The following CEP131 variants were observed in gnomAD, a reference collection of about 807,000 sequenced individuals.
CEP131 encodes centrosomal protein 131.
CEP131 carries 99 observed loss-of-function variants against 136.8 expected under a neutral mutation model. The ratio of observed to expected loss-of-function variants is 0.72; its 90% CI spans 0.62 to 0.86. The LOEUF (loss-of-function observed/expected upper bound fraction) is 0.86. Ranked by LOEUF, CEP131 falls within the 40% of genes least tolerant of loss-of-function variation. The pLI, the probability that CEP131 is intolerant of heterozygous loss-of-function variation, is 0.00. For synonymous variants in CEP131, 646 were observed against 612.7 expected, an observed-to-expected ratio of 1.05 and a Z score of -0.80; for missense variants, 1,459 against 1,463.0, an observed-to-expected ratio of 1.00 and a Z score of 0.04.
intron 2 of CEP131, 39 bp from the exon 3 acceptor site, chr17:81,209,061 G>T: frequency 1.4e-6 from 2 of 1,452,470 alleles, no homozygotes; most frequent in South Asian, 1.2e-5. Context: ...TGCAGCAAAG[G>T]CTCACTCACC....
intron 18 of CEP131, 75 bp from the exon 19 acceptor site, chr17:81,192,918 G>A: frequency 6.6e-7 from 1 of 1,525,180 alleles, no homozygotes; most frequent in Non-Finnish European, 8.8e-7. Context: ...AGGGGCACGG[G>A]CCGACCACAG....
At chr17:81,204,183 C>G (rs112617852) in intron 5 of CEP131, 2,188 of 152,952 alleles carry the variant, frequency 0.014, 51 homozygotes, top group African/African-American at 0.046. Flanking sequence ...CGTGCCCCCA[C>G]GGAGACACAC....
chr17:81,197,640 C>A lies in CEP131; in HGVS notation c.1647+72G>T, dbSNP rs2061792344. ...GCGGGCTGGTGAGGGGCCTCCTCCC[C>A]CGAGGGCCAGGTGCAGGCTCGTGAG... On this transcript the variant is annotated intron_variant, in intron 13 of 25. Coordinates refer to ENST00000450824, the MANE Select transcript of CEP131 (RefSeq NM_014984.4). 7.9e-6 allele frequency: 12 copies of A among 1,513,608 alleles called. 1 individual carries two copies. In the South Asian group the frequency reaches 1.5e-4, roughly 19 times the overall value. 93.8% of individuals were successfully genotyped at this position (1,513,608 alleles called of 1,614,324 possible). A position where few individuals can be genotyped will look rare whatever the true frequency, so the allele number is the denominator to read the frequency against.
At chr17:81,217,649 T>TG (rs878882967) in intron 2 of CEP131, among the ~76,000 whole-genome samples, 1 of 152,054 alleles carries the variant, frequency 6.6e-6, no homozygotes, top group Admixed American at 6.6e-5. Context: ...CAGACAGGCA[T>TG]GCAGGGGTGG....
In CEP131 at chr17:81,198,970, AC is replaced by A; in HGVS notation, c.1193del (p.Gly398ValfsTer46). On this transcript the variant is annotated frameshift_variant and splice_region_variant, in exon 11 of 26. Coordinates refer to ENST00000450824, the MANE Select transcript of CEP131 (RefSeq NM_014984.4). LOFTEE classifies it high-confidence loss of function. Reference protein sequence around the residue: ...AHQALKANNTGGGLPAAGPGD... With the variant: ...AHQALKANNTXGGLPAAGPGD... ...CGGGGCCTGCAGCAGGGAGGCCACCACCTGCACAGCAGAACACAGCACCATT... is the reference window on the plus strand; with the variant it reads ...CGGGGCCTGCAGCAGGGAGGCCACCACTGCACAGCAGAACACAGCACCATT... 1.3e-6 allele frequency: 2 copies of A among 1,560,136 alleles called. No homozygotes were observed. Among genetic ancestry groups the A allele is most frequent in the Non-Finnish European group, 1.7e-6 (2 of 1,155,506 alleles).
chr17:81,198,177 CCTT>C lies in CEP131; in HGVS notation c.1405_1407del (p.Lys469del), dbSNP rs1378756298. The C allele has an allele frequency of 1.3e-6, 2 of 1,582,512 alleles. No individual in the cohort carries two copies. Among genetic ancestry groups the C allele is most frequent in the Admixed American group, 3.5e-5 (2 of 56,452 alleles). On this transcript the variant is annotated inframe_deletion, in exon 12 of 26. Coordinates refer to ENST00000450824, the MANE Select transcript of CEP131 (RefSeq NM_014984.4). ...CTGGGGCGGGGCAGCACGTCCGGCT[CCTT>C]CTCCAGCAGCTGCAGTGTGTGCAGC... is the stretch of plus-strand genomic sequence containing the variant.
chr17:81,197,429 G>A lies in CEP131; in HGVS notation c.1647+283C>T, dbSNP rs1249068276. 4 of 545,456 alleles carry A rather than the reference G, an allele frequency of 7.3e-6. No homozygotes were observed. The East Asian group carries it at 1.3e-4, about 18-fold the overall frequency. 33.8% of individuals were successfully genotyped at this position (545,456 alleles called of 1,614,324 possible). On this transcript the variant is annotated intron_variant, in intron 13 of 25. Transcript: ENST00000450824. ...AGGGCTGAACTATCCACACATATGG[G>A]CTCGTGGAGGCAGCTCGGGGCAGCG...
intron 15 of CEP131, 61 bp from the exon 16 acceptor site, chr17:81,196,012 T>C: frequency 7.1e-7 from 1 of 1,410,312 alleles, no homozygotes; most frequent in Non-Finnish European, 9.9e-7. Context: ...GGACCCCTGA[T>C]GGAGGAGACC....
At chr17:81,196,373 C>CCTGGAGGCCCCTATTCTCA (rs2061755377) in intron 15 of CEP131, among the ~76,000 whole-genome samples, 2 of 152,322 alleles carry the variant, frequency 1.3e-5, no homozygotes, top group East Asian at 3.9e-4. Context: ...ATCAAGCAGC[C>CCTGGAGGCCCCTATTCTCA]CTGGAGGCCC....
rs755565022 is a variant in CEP131 at position 81,191,035 on chromosome 17, G to T, written c.2815C>A (p.Gln939Lys). ...CGCTCCTGAAGCTTCCGCTCCGACTGCTCCAGCTCGGAGAGCTCGGCCTCG... is the reference window on the plus strand; with the variant it reads ...CGCTCCTGAAGCTTCCGCTCCGACTTCTCCAGCTCGGAGAGCTCGGCCTCG... ...KYEAELSELE[Q>K]SERKLQERCS... The change falls in exon 23 of 26, where the codon CAG becomes AAG. Residue 939 changes from glutamine to lysine, a missense_variant. Coordinates refer to ENST00000450824, the MANE Select transcript of CEP131 (RefSeq NM_014984.4). 1.9e-6 allele frequency: 3 copies of T among 1,610,590 alleles called. No homozygotes were observed. The highest frequency in any genetic ancestry group is 1.7e-5 in the Admixed American group (1 of 59,984).
intron 5 of CEP131, 71 bp downstream of exon 5, chr17:81,206,673 A>G: frequency 1.3e-6 from 2 of 1,522,486 alleles, no homozygotes; most frequent in Non-Finnish European, 8.8e-7. Flanking sequence ...TAAACAAGAC[A>G]AAGACACACA....
At chr17:81,204,956 A>C (rs73356028) in intron 5 of CEP131, among the ~76,000 whole-genome samples, 3,454 of 152,302 alleles carry the variant, frequency 0.023, 114 homozygotes, top group African/African-American at 0.078. Flanking sequence ...GTATTCATAA[A>C]TGTTTTCAAT....
intron 20 of CEP131, 34 bp downstream of exon 20, chr17:81,192,441 CT>C (rs755746780): frequency 6.2e-7 from 1 of 1,611,750 alleles, no homozygotes; most frequent in African/African-American, 1.3e-5. Flanking sequence ...GTGCAGCCCC[CT>C]GGCCAGGCCC....
Position 81,191,019 on chromosome 17 carries a change from A to T in CEP131, c.2831T>A (p.Leu944His). ...LSELEQSERKLQERCSELKGQ... is the reference protein window; with the variant it reads ...LSELEQSERKHQERCSELKGQ... ...CTTCAGCTCCGAGCACCGCTCCTGA[A>T]GCTTCCGCTCCGACTGCTCCAGCTC... The change falls in exon 23 of 26, where the codon CTT becomes CAT. Residue 944 changes from leucine to histidine, a missense_variant. Physicochemically the swap from Leu to His is moderately conservative, Grantham distance 99. Coordinates refer to ENST00000450824, the MANE Select transcript of CEP131 (RefSeq NM_014984.4). 6.2e-7 allele frequency: 1 copy of T among 1,610,360 alleles called. No individual in the cohort carries two copies. The highest frequency in any genetic ancestry group is 2.2e-5 in the East Asian group (1 of 44,874).
intron 3 of CEP131, among the ~76,000 whole-genome samples, chr17:81,207,627 G>A (rs1313486861): frequency 6.6e-6 from 1 of 151,896 alleles, no homozygotes; most frequent in Non-Finnish European, 1.5e-5. Flanking sequence ...TGGGATTGCA[G>A]GTGTGAGCCT....
At chr17:81,199,037 A>ACC in intron 10 of CEP131, 66 bp from the exon 11 acceptor site, 1 of 1,401,464 alleles carries the variant, frequency 7.1e-7, no homozygotes, top group Non-Finnish European at 9.4e-7. Flanking sequence ...CTCTGGAGGC[A>ACC]CCCCCGGGAA....
chr17:81,199,975 C>T, intron 8 of CEP131, 140 bp from the exon 9 acceptor site: 1 of 845,782 alleles, frequency 1.2e-6, no homozygotes, highest in South Asian at 1.5e-5. Flanking sequence ...GAAACCCCAC[C>T]AGGACCTTGA....
At position 81,199,403 on chromosome 17, in the gene CEP131, C is replaced by G; in HGVS notation, c.1170G>C (p.Gln390His). The G allele has an allele frequency of 6.2e-7, 1 of 1,605,530 alleles. No individual in the cohort carries two copies. Among genetic ancestry groups the G allele is most frequent in the East Asian group, 2.2e-5 (1 of 44,684 alleles). Residue 390 changes from glutamine to histidine, a missense_variant, in exon 10 of 26, where the codon CAG becomes CAC. Physicochemically the swap from Gln to His is conservative, Grantham distance 24. This residue lies in a region of CEP131 where 1,026 missense variants were observed against 964.2 expected (regional missense o/e 1.06). Transcript: ENST00000450824. ...CACCAGTATTGTTGGCCTTGAGGGC[C>G]TGGTGGGCAGTGCCGCCTGGTGTGG... ...LSPTPGGTAH[Q>H]ALKANNTGGG...
intron 2 of CEP131, among the ~76,000 whole-genome samples, chr17:81,214,313 G>T (rs2062196634): frequency 1.3e-5 from 2 of 152,204 alleles, no homozygotes; most frequent in Non-Finnish European, 2.9e-5. Flanking sequence ...CCAGCACTTT[G>T]GGAGGCCAAG....
Sources: gnomAD v4.1 joint callset for allele counts (sites outside exome capture counted in the v4.1 genomes callset) on GRCh38, gnomAD v4.1.1 for gene constraint, gnomAD v4.1.1 regional missense constraint, MANE v1.5 for transcripts, NCBI Gene and HGNC (gene_info 2026-07-23, HGNC 2026-07-21) for gene names.